NRG1: variants seen among roughly 807,000 people sequenced by gnomAD.
NRG1 encodes the protein pro-neuregulin-1, membrane-bound isoform.
NRG1 carries 18 observed loss-of-function variants against 63.8 expected under a neutral mutation model. The observed-to-expected ratio is 0.28, with a 90% CI of 0.19 to 0.42. The LOEUF (loss-of-function observed/expected upper bound fraction) is 0.42, where lower values mean the gene tolerates loss of function less well. Among genes scored for constraint, NRG1 ranks in the 10% least tolerant of loss-of-function variants. NRG1 has a pLI of 1.00. For missense variants in NRG1, 762 were observed against 814.7 expected (o/e 0.94, Z 0.79); for synonymous variants, 302 against 301.3 (o/e 1.00, Z -0.02).
chr8:32,450,563 A>G (rs1054975699), intron 1 of NRG1, among the ~76,000 whole-genome samples: 1 of 152,096 alleles, frequency 6.6e-6, no homozygotes, highest in Non-Finnish European at 1.5e-5. Flanking sequence ...CTACAGGTAC[A>G]TGTCACCACA....
At chr8:32,284,653 C>T (rs1234542548) in intron 1 of NRG1, among the ~76,000 whole-genome samples, 2 of 152,154 alleles carry the variant, frequency 1.3e-5, no homozygotes, top group Non-Finnish European at 2.9e-5. Flanking sequence ...AGCTCAGCCT[C>T]CCGAGTAGCT....
chr8:32,287,221 A>C (rs977036661), intron 1 of NRG1: 1 of 152,194 alleles, frequency 6.6e-6, no homozygotes, highest in Non-Finnish European at 1.5e-5. Flanking sequence ...AAATGGTTGA[A>C]ACCAGCATAG....
intron 1 of NRG1, among the ~76,000 whole-genome samples, chr8:32,325,015 C>T (rs1424717904): frequency 1.3e-5 from 2 of 152,188 alleles, no homozygotes; most frequent in East Asian, 1.9e-4. Context: ...TAATTGACCA[C>T]TTTGGAAGTG....
chr8:31,777,822 ACT>A (rs1277330061), intron 1 of NRG1, among the ~76,000 whole-genome samples: 2 of 151,418 alleles, frequency 1.3e-5, no homozygotes, highest in African/African-American at 4.9e-5. Context: ...GTGTGGGGAG[ACT>A]CTTGTGGGAA....
intron 6 of NRG1, among the ~76,000 whole-genome samples, chr8:32,737,833 C>T (rs1439595455): frequency 6.6e-6 from 1 of 151,818 alleles, no homozygotes; most frequent in Non-Finnish European, 1.5e-5. Flanking sequence ...CCCACCACCA[C>T]GCCCAACCAG....
At chr8:32,256,224 CT>C (rs1407799487) in intron 1 of NRG1, among the ~76,000 whole-genome samples, 2 of 152,108 alleles carry the variant, frequency 1.3e-5, no homozygotes, top group Non-Finnish European at 2.9e-5. Context: ...GTTTTGTTCC[CT>C]TGCTGGTGAG....
intron 1 of NRG1, among the ~76,000 whole-genome samples, chr8:32,150,680 G>A (rs969901765): frequency 6.6e-6 from 1 of 152,052 alleles, no homozygotes; most frequent in Non-Finnish European, 1.5e-5. Context: ...TGTTATAGCA[G>A]CCCAAACAGA....
intron 1 of NRG1, among the ~76,000 whole-genome samples, chr8:32,578,482 T>G (rs1293362969): frequency 2.1e-5 from 3 of 145,660 alleles, no homozygotes; most frequent in Non-Finnish European, 3.0e-5. Context: ...TTTTTTTTTT[T>G]GTCACTAACA....
chr8:31,993,589 T>C (rs1811440780), intron 1 of NRG1, among the ~76,000 whole-genome samples: 1 of 152,144 alleles, frequency 6.6e-6, no homozygotes, highest in Admixed American at 6.6e-5. Context: ...ATCCCTTTTC[T>C]CTTCCTTCAT....
At chr8:32,502,464 A>C (rs1435089434) in intron 1 of NRG1, among the ~76,000 whole-genome samples, 1 of 146,438 alleles carries the variant, frequency 6.8e-6, no homozygotes, top group African/African-American at 2.6e-5. Flanking sequence ...TACTAAGCTC[A>C]TTCTTTAAAA....
At chr8:32,481,198 C>T (rs909004572) in intron 1 of NRG1, among the ~76,000 whole-genome samples, 2 of 151,844 alleles carry the variant, frequency 1.3e-5, no homozygotes, top group African/African-American at 2.4e-5. Flanking sequence ...CAAAAATTAG[C>T]TGGGTATGTG....
intron 1 of NRG1, among the ~76,000 whole-genome samples, chr8:32,322,040 C>T (rs961109173): frequency 4.6e-5 from 7 of 151,954 alleles, no homozygotes; most frequent in African/African-American, 1.2e-4. Flanking sequence ...TTGTCAGGCA[C>T]GGTGGTGCAT....
chr8:31,772,772 G>A (rs1563383814), intron 1 of NRG1, among the ~76,000 whole-genome samples: 1 of 152,192 alleles, frequency 6.6e-6, no homozygotes, highest in African/African-American at 2.4e-5. Flanking sequence ...TAATGGCAAA[G>A]GGGGAACCTA....
At chr8:32,190,398 C>A (rs1028807020) in intron 1 of NRG1, among the ~76,000 whole-genome samples, 16 of 152,188 alleles carry the variant, frequency 1.1e-4, no homozygotes, top group Admixed American at 6.5e-4. Flanking sequence ...GTACTCAAAT[C>A]CAAATCCTGA....
intron 1 of NRG1, among the ~76,000 whole-genome samples, chr8:31,837,360 TTTAA>T (rs1825773299): frequency 6.6e-6 from 1 of 152,036 alleles, no homozygotes. Flanking sequence ...TATTTTTAAT[TTTAA>T]TTAATTTATT....
rs200700588 is a variant in NRG1, at chr8:32,637,699, AAT to A, written c.502+20816_502+20817del. ...TTATTCTATACTTTCCTATGTAAGC[AAT>A]AAAGCTAATTGTAATGCTCCCACAA... is the stretch of plus-strand genomic sequence containing the variant. On this transcript the variant is annotated intron_variant, in intron 5 of 11. Transcript: ENST00000356819. Among the ~76,000 whole-genome samples the A allele has an allele frequency of 7.7e-3, 1,176 of 152,280 alleles. 6 individuals are homozygous for A. The highest frequency in any genetic ancestry group is 0.024 in the Middle Eastern group (7 of 294).
chr8:32,278,576 TG>T (rs1191173588), intron 1 of NRG1, among the ~76,000 whole-genome samples: 1 of 152,176 alleles, frequency 6.6e-6, no homozygotes, highest in Non-Finnish European at 1.5e-5. Flanking sequence ...TCAGAAAGCT[TG>T]ACAGTATTTG....
intron 1 of NRG1, among the ~76,000 whole-genome samples, chr8:32,510,369 T>TA (rs1438850534): frequency 7.0e-6 from 1 of 142,232 alleles, no homozygotes; most frequent in African/African-American, 2.6e-5. Flanking sequence ...TTCAAAAAAA[T>TA]AAAAAATAAA....
In NRG1 at chr8:32,496,924, A is replaced by G. The variant is rs182404881; in HGVS notation, c.38-98904A>G. Reference sequence around the variant, plus strand: ...AAGGATGAAATTATGTAACATAGGAAAAGCAGATGTAAGTTCTCATTCTCC... The same window carrying G: ...AAGGATGAAATTATGTAACATAGGAGAAGCAGATGTAAGTTCTCATTCTCC... On this transcript the variant is annotated intron_variant, in intron 1 of 10. Coordinates refer to the NRG1 transcript ENST00000519301. Among the ~76,000 whole-genome samples, 147 of 152,324 alleles carry G rather than the reference A, an allele frequency of 9.7e-4. 2 individuals are homozygous for G. Among genetic ancestry groups the G allele is most frequent in the Non-Finnish European group, 1.2e-3 (83 of 68,024 alleles).
Sources: gnomAD v4.1 joint callset for allele counts (sites outside exome capture counted in the v4.1 genomes callset) on GRCh38, gnomAD v4.1.1 for gene constraint, MANE v1.5 for transcripts, NCBI Gene and HGNC (gene_info 2026-07-23, HGNC 2026-07-21) for gene names.